The following ALDH18A1 variants were observed in gnomAD, a reference collection of about 807,000 sequenced individuals.
ALDH18A1 encodes the protein delta-1-pyrroline-5-carboxylate synthase.
Under a neutral mutation model 88.8 loss-of-function variants are expected in ALDH18A1, and 44 were observed. That is an observed-to-expected ratio of 0.50 (90% confidence interval 0.39 to 0.64). The LOEUF (loss-of-function observed/expected upper bound fraction) is 0.64, where lower values mean the gene tolerates loss of function less well. Among genes scored for constraint, ALDH18A1 ranks in the 30% least tolerant of loss-of-function variants. ALDH18A1 has a pLI of 0.00. For missense variants in ALDH18A1, 782 were observed against 1,009.5 expected (o/e 0.77, Z 3.05); for synonymous variants, 331 against 372.1 (o/e 0.89, Z 1.27).
intron 10 of ALDH18A1, among the ~76,000 whole-genome samples, chr10:95,626,265 G>T (rs1260057262): frequency 6.6e-6 from 1 of 152,050 alleles, no homozygotes; most frequent in Non-Finnish European, 1.5e-5. Context: ...ACCACTTCCA[G>T]CCTCATCATG....
chr10:95,645,965 T>C (rs184486302), intron 2 of ALDH18A1, among the ~76,000 whole-genome samples: 2 of 152,326 alleles, frequency 1.3e-5, no homozygotes, highest in African/African-American at 4.8e-5. Flanking sequence ...CAACTAAGTC[T>C]TAAGTTTAAA....
intron 11 of ALDH18A1, among the ~76,000 whole-genome samples, chr10:95,622,738 T>C (rs918960100): frequency 1.3e-5 from 2 of 151,922 alleles, no homozygotes; most frequent in Non-Finnish European, 2.9e-5. Flanking sequence ...GGGGTTTCAC[T>C]GTGTTAGCCA....
rs780721947 is a variant in ALDH18A1, at chr10:95,611,269, G to T, written c.2097C>A (p.Ile699=). The T allele has an allele frequency of 1.2e-6, 2 of 1,614,044 alleles. No individual in the cohort carries two copies. Among genetic ancestry groups the T allele is most frequent in the Admixed American group, 1.7e-5 (1 of 60,014 alleles). The change falls in exon 16 of 18, where the codon ATC becomes ATA. Residue 699 remains isoleucine, a synonymous_variant. Coordinates refer to ENST00000371224, the MANE Select transcript of ALDH18A1 (RefSeq NM_002860.4). ...HKYGSSHTDV[I]VTEDENTAEF... The stretch of plus-strand genomic sequence containing the variant: ...CTGGACACTGACCGTCCTCTGTGAC[G>T]ATGACATCCGTGTGGGAGCTGCCAT...
chr10:95,655,897 A>G lies in ALDH18A1; in HGVS notation c.-29+700T>C, dbSNP rs201558950. Among the ~76,000 whole-genome samples, 14 of 152,320 alleles carry G rather than the reference A, an allele frequency of 9.2e-5. No homozygotes were observed. The East Asian group carries it at 2.5e-3, about 27-fold the overall frequency. ...GAGAAGTGAACCTCAGTCCCAGCACAGTTCACCCACAAACACATGCTCGGT... is the reference window on the plus strand; with the variant it reads ...GAGAAGTGAACCTCAGTCCCAGCACGGTTCACCCACAAACACATGCTCGGT... On this transcript the variant is annotated intron_variant, in intron 1 of 17. Transcript: ENST00000371224.
At chr10:95,609,769 A>ATTTTTTTTTTTT (rs55659918) in intron 17 of ALDH18A1, among the ~76,000 whole-genome samples, 3,511 of 113,960 alleles carry the variant, frequency 0.031, 349 homozygotes, top group African/African-American at 0.047. Context: ...GTCTGTCTCT[A>ATTTTTTTTTTTT]TTTTTTTTTT....
chr10:95,629,496 C>T lies in ALDH18A1; in HGVS notation c.809-1004G>A, dbSNP rs578047985. On this transcript the variant is annotated intron_variant, in intron 7 of 17. Coordinates refer to ENST00000371224, the MANE Select transcript of ALDH18A1 (RefSeq NM_002860.4). ...CAACTATAAGCAGTGCAAATTATTA[C>T]AGGAAAAGAAAAAATAACCTTTCAC... Among the ~76,000 whole-genome samples the T allele has an allele frequency of 3.0e-4, 46 of 152,206 alleles. No individual in the cohort carries two copies. In the South Asian group the frequency reaches 9.3e-3, roughly 31 times the overall value.
chr10:95,630,448 C>T (rs1589526915), intron 7 of ALDH18A1, among the ~76,000 whole-genome samples: 1 of 152,240 alleles, frequency 6.6e-6, no homozygotes, highest in South Asian at 2.1e-4. Flanking sequence ...CGCCGTGGCT[C>T]ATGCCTGTAA....
At chr10:95,621,633 T>C (rs2097852813) in intron 11 of ALDH18A1, among the ~76,000 whole-genome samples, 1 of 152,026 alleles carries the variant, frequency 6.6e-6, no homozygotes, top group Non-Finnish European at 1.5e-5. Context: ...TCTTGATGTT[T>C]TACTGAACAT....
intron 7 of ALDH18A1, chr10:95,628,741 C>T: frequency 2.0e-6 from 1 of 488,000 alleles, no homozygotes; most frequent in East Asian, 4.0e-5. Context: ...AGATCATGGC[C>T]ATATCCTCAG....
At position 95,621,103 on chromosome 10, in the gene ALDH18A1, T is replaced by C; in HGVS notation, c.1395A>G (p.Glu465=). ...CAATTGGGACAGTCACTTGTTCCAG[T>C]TCCAAGTTTTTGGCGATTCGGGTGC... The part of the protein sequence containing the change: ...LRRTRIAKNL[E]LEQVTVPIGV... The change falls in exon 12 of 18, where the codon GAA becomes GAG. Residue 465 remains glutamate, a synonymous_variant. Transcript: ENST00000371224. 1 of 1,614,104 alleles carries C rather than the reference T, an allele frequency of 6.2e-7. No individual in the cohort carries two copies. Among genetic ancestry groups the C allele is most frequent in the Non-Finnish European group, 8.5e-7 (1 of 1,180,024 alleles).
At chr10:95,626,902 T>C (rs2097861208) in intron 9 of ALDH18A1, 126 bp from the exon 10 acceptor site, 21 of 923,942 alleles carry the variant, frequency 2.3e-5, no homozygotes, top group Non-Finnish European at 3.3e-5. Context: ...ACATGATGTC[T>C]TGGTATGCTT....
At chr10:95,625,309 C>T in intron 11 of ALDH18A1, 53 bp downstream of exon 11, 1 of 1,509,582 alleles carries the variant, frequency 6.6e-7, no homozygotes, top group African/African-American at 1.4e-5. Context: ...AACTAAAAAC[C>T]AAAATAATGC....
chr10:95,655,146 AT>A (rs2097915967), intron 1 of ALDH18A1, among the ~76,000 whole-genome samples: 1 of 148,990 alleles, frequency 6.7e-6, no homozygotes, highest in African/African-American at 2.4e-5. Flanking sequence ...TATTATTATT[AT>A]TATTATTATA....
At chr10:95,634,648 A>C (rs989700262) in intron 5 of ALDH18A1, among the ~76,000 whole-genome samples, 6 of 152,262 alleles carry the variant, frequency 3.9e-5, no homozygotes, top group African/African-American at 1.4e-4. Flanking sequence ...GGCAGAACAC[A>C]ACTTGGTTCA....
intron 2 of ALDH18A1, 65 bp downstream of exon 2, chr10:95,653,225 C>A: frequency 7.1e-7 from 1 of 1,401,164 alleles, no homozygotes; most frequent in Non-Finnish European, 1.0e-6. Flanking sequence ...TCTTTGAAAA[C>A]CTTGTTGAAA....
chr10:95,621,041 C>T lies in ALDH18A1; in HGVS notation c.1457G>A (p.Cys486Tyr), dbSNP rs759518976. 8 of 1,613,872 alleles carry T rather than the reference C, an allele frequency of 5.0e-6. No homozygotes were observed. Among genetic ancestry groups the T allele is most frequent in the Admixed American group, 1.7e-5 (1 of 59,962 alleles). ...GGGGTATATACACACCTGGGGTAGA[C>T]AGTCAGGACGAGATTCAAAGATCAC... ...LLVIFESRPDCLPQVAALAIA... is the reference protein window; with the variant it reads ...LLVIFESRPDYLPQVAALAIA... The change falls in exon 12 of 18, where the codon TGT becomes TAT. Residue 486 changes from cysteine to tyrosine, a missense_variant. Physicochemically the swap from Cys to Tyr is radical, Grantham distance 194. This residue lies in a region of ALDH18A1 where 556 missense variants were observed against 654.5 expected (regional missense o/e 0.85). Coordinates refer to ENST00000371224, the MANE Select transcript of ALDH18A1 (RefSeq NM_002860.4).
chr10:95,638,784 T>C (rs1196537385), intron 3 of ALDH18A1, among the ~76,000 whole-genome samples: 1 of 152,232 alleles, frequency 6.6e-6, no homozygotes, highest in Non-Finnish European at 1.5e-5. Context: ...TCAATATTCC[T>C]AAACTGTCCT....
chr10:95,610,169 CT>C, intron 17 of ALDH18A1, 27 bp downstream of exon 17: 1 of 1,610,546 alleles, frequency 6.2e-7, no homozygotes, highest in Non-Finnish European at 8.5e-7. Flanking sequence ...CAAGGAACTT[CT>C]TTCTTCCCAA....
At chr10:95,623,273 A>C (rs747909514) in intron 11 of ALDH18A1, among the ~76,000 whole-genome samples, 2 of 152,222 alleles carry the variant, frequency 1.3e-5, no homozygotes, top group Non-Finnish European at 2.9e-5. Flanking sequence ...ATTACTACTA[A>C]ATATTCCATT....
Sources: allele counts gnomAD v4.1 joint callset (sites outside exome capture counted in the v4.1 genomes callset), GRCh38; gene constraint gnomAD v4.1.1; regional missense constraint gnomAD v4.1.1; transcripts MANE v1.5; gene names NCBI Gene and HGNC (gene_info 2026-07-23, HGNC 2026-07-21).